FAM227B: variants seen among roughly 807,000 people sequenced by gnomAD.
FAM227B encodes protein FAM227B.
Under a neutral mutation model 73.8 loss-of-function variants are expected in FAM227B, and 88 were observed. That is an observed-to-expected ratio of 1.19 (90% CI 1.00 to 1.42). The LOEUF (loss-of-function observed/expected upper bound fraction) is 1.42. Among genes scored for constraint, FAM227B ranks in the 40% most tolerant of loss-of-function variants. The pLI, the probability that FAM227B is intolerant of heterozygous loss-of-function variation, is 0.00. For missense variants in FAM227B, 632 were observed against 590.9 expected (o/e 1.07, Z -0.72); for synonymous variants, 210 against 190.5 (o/e 1.10, Z -0.84).
chr15:49,384,110 A>C (rs2046720115), intron 11 of FAM227B, among the ~76,000 whole-genome samples: 1 of 152,096 alleles, frequency 6.6e-6, no homozygotes, highest in South Asian at 2.1e-4. Context: ...ATATCCTGCA[A>C]GGTAGGACTT....
chr15:49,484,277 G>C, intron 11 of FAM227B: 1 of 1,497,858 alleles, frequency 6.7e-7, no homozygotes, highest in Non-Finnish European at 9.1e-7. Context: ...AAAATCATTT[G>C]GATAATGTCT....
chr15:49,570,136 T>C (rs1187182762), intron 8 of FAM227B, among the ~76,000 whole-genome samples: 1 of 152,038 alleles, frequency 6.6e-6, no homozygotes, highest in Non-Finnish European at 1.5e-5. Flanking sequence ...TTCAATTTCT[T>C]TGGATGTATA....
At chr15:49,377,822 T>C (rs58053013) in intron 11 of FAM227B, among the ~76,000 whole-genome samples, 11,291 of 152,192 alleles carry the variant, frequency 0.074, 1,419 homozygotes, top group African/African-American at 0.26. Flanking sequence ...CTCTTCACTT[T>C]GTTGATTGTA....
intron 11 of FAM227B, among the ~76,000 whole-genome samples, chr15:49,458,231 T>C (rs10047970): frequency 0.32 from 47,932 of 151,712 alleles, 8,244 homozygotes; most frequent in African/African-American, 0.45. Flanking sequence ...CAATAGATTT[T>C]GAATGTATAT....
intron 11 of FAM227B, chr15:49,422,380 C>T (rs902556420): frequency 6.0e-6 from 2 of 335,782 alleles, no homozygotes; most frequent in African/African-American, 2.1e-5. Flanking sequence ...ACTTATTTAC[C>T]TTAGCAATAC....
chr15:49,338,069 G>A lies in FAM227B; in HGVS notation c.1272-2573C>T, dbSNP rs186306586. Among the ~76,000 whole-genome samples, 96 of 152,288 alleles carry A rather than the reference G, an allele frequency of 6.3e-4. No individual in the cohort carries two copies. The Middle Eastern group carries it at 0.01, about 16-fold the overall frequency. ...GGTATTTCTCATTCTAGAGCCTTGA[G>A]GAATTGCCACATTGTCTTCCATTGT... On this transcript the variant is annotated intron_variant, in intron 13 of 15. Coordinates refer to ENST00000299338, the MANE Select transcript of FAM227B (RefSeq NM_152647.3).
intron 10 of FAM227B, among the ~76,000 whole-genome samples, chr15:49,509,447 T>C (rs2058819104): frequency 6.6e-6 from 1 of 152,306 alleles, no homozygotes; most frequent in South Asian, 2.1e-4. Flanking sequence ...GATTACTATG[T>C]ACCAAACTAT....
At chr15:49,339,666 G>A (rs963621714) in intron 13 of FAM227B, among the ~76,000 whole-genome samples, 7 of 152,298 alleles carry the variant, frequency 4.6e-5, no homozygotes, top group South Asian at 4.1e-4. Context: ...TGGGAGATCC[G>A]CTGCTGTCTT....
At chr15:49,539,853 T>A (rs1384555921) in intron 10 of FAM227B, among the ~76,000 whole-genome samples, 1 of 152,198 alleles carries the variant, frequency 6.6e-6, no homozygotes, top group African/African-American at 2.4e-5. Context: ...TAAAAGTGGC[T>A]CCATGGTCCC....
intron 8 of FAM227B, among the ~76,000 whole-genome samples, chr15:49,572,343 T>C (rs1331810377): frequency 6.6e-6 from 1 of 152,126 alleles, no homozygotes; most frequent in East Asian, 1.9e-4. Flanking sequence ...TCTGGCCTAA[T>C]TGCTATGGCT....
rs1309018488 is a variant in FAM227B at position 49,476,214 on chromosome 15, TTTGTTTTTTTGTTTTTGG to T, written c.1012+31979_1012+31996del. ...TCTGAATTCCTATTTATTTTGCTGT[TTTGTTTTTTTGTTTTTGG>T]TTTTTTTTTTTTTGCATTTGGCATA... On this transcript the variant is annotated intron_variant, in intron 11 of 15. Transcript: ENST00000299338. Among the ~76,000 whole-genome samples the T allele has an allele frequency of 9.4e-5, 12 of 128,042 alleles. 1 individual carries two copies. The highest frequency in any genetic ancestry group is 1.4e-4 in the African/African-American group (5 of 35,478). 84.0% of individuals were successfully genotyped at this position (128,042 alleles called of 152,430 possible). A position where few individuals can be genotyped will look rare whatever the true frequency, so the allele number is the denominator to read the frequency against.
intron 10 of FAM227B, among the ~76,000 whole-genome samples, chr15:49,521,320 T>A (rs2059771138): frequency 6.6e-6 from 1 of 152,162 alleles, no homozygotes; most frequent in East Asian, 1.9e-4. Flanking sequence ...AAAGGGGCAG[T>A]GCAGCCCATT....
chr15:49,563,996 A>G (rs2074451163), intron 9 of FAM227B, among the ~76,000 whole-genome samples: 1 of 152,204 alleles, frequency 6.6e-6, no homozygotes, highest in Non-Finnish European at 1.5e-5. Flanking sequence ...GCAGGATCTA[A>G]TTAAACTAAA....
intron 10 of FAM227B, among the ~76,000 whole-genome samples, chr15:49,517,321 TGAA>T (rs776209023): frequency 5.3e-5 from 8 of 152,298 alleles, no homozygotes; most frequent in Admixed American, 2.0e-4. Context: ...TACTTCATCC[TGAA>T]GAAGAATATA....
intron 7 of FAM227B, 60 bp downstream of exon 7, chr15:49,576,681 C>A (rs1342544423): frequency 3.1e-6 from 3 of 960,116 alleles, no homozygotes; most frequent in African/African-American, 3.3e-5. Context: ...AAGTAAAGGT[C>A]TGATTCATTA....
intron 5 of FAM227B, among the ~76,000 whole-genome samples, chr15:49,579,601 G>A (rs1340598002): frequency 6.6e-6 from 1 of 152,280 alleles, no homozygotes; most frequent in East Asian, 1.9e-4. Flanking sequence ...TTTCGTGGAG[G>A]TATAGAGTAG....
At chr15:49,352,552 T>A (rs1596406732) in intron 13 of FAM227B, among the ~76,000 whole-genome samples, 1 of 152,194 alleles carries the variant, frequency 6.6e-6, no homozygotes, top group Non-Finnish European at 1.5e-5. Context: ...TTTCTTTATC[T>A]AGGCTTCAGA....
rs191502892 is a variant in FAM227B, at chr15:49,349,643, T to C, written c.1272-14147A>G. Among the ~76,000 whole-genome samples the C allele has an allele frequency of 7.9e-5, 12 of 152,256 alleles. No individual in the cohort carries two copies. In the East Asian group the frequency reaches 2.3e-3, roughly 29 times the overall value. ...TGATATATGGTAGCATCAAAGGGAA[T>C]TGAGCAGAGATTCACTGATCAGAAA... is the stretch of plus-strand genomic sequence containing the variant. On this transcript the variant is annotated intron_variant, in intron 13 of 15. Coordinates refer to ENST00000299338, the MANE Select transcript of FAM227B (RefSeq NM_152647.3).
intron 5 of FAM227B, among the ~76,000 whole-genome samples, chr15:49,583,324 A>T (rs2075936075): frequency 6.6e-6 from 1 of 152,120 alleles, no homozygotes. Flanking sequence ...AAGTTTACAG[A>T]TCATAAAGGC....
Sources: allele counts gnomAD v4.1 joint callset (sites outside exome capture counted in the v4.1 genomes callset), GRCh38; gene constraint gnomAD v4.1.1; transcripts MANE v1.5; gene names NCBI Gene and HGNC (gene_info 2026-07-23, HGNC 2026-07-21).